The following NEMP1 variants were observed in gnomAD, a reference collection of about 807,000 sequenced individuals.
NEMP1 encodes nuclear envelope integral membrane protein 1, also known as transmembrane protein 194.
In NEMP1, 29 loss-of-function variants were observed where a neutral mutation model predicts 53.7. The observed-to-expected ratio is 0.54, with a 90% CI of 0.40 to 0.74. The LOEUF (loss-of-function observed/expected upper bound fraction) is 0.74. Among genes scored for constraint, NEMP1 ranks in the 30% least tolerant of loss-of-function variants. The probability of loss-of-function intolerance (pLI) is 0.00; values close to 1 mark genes in which losing one functional copy is unlikely to be tolerated. For missense variants in NEMP1, 477 were observed against 528.6 expected (o/e 0.90, Z 0.96); for synonymous variants, 193 against 192.9 (o/e 1.00, Z 0.00).
At chr12:57,075,624 G>C (rs571547825) in intron 1 of NEMP1, among the ~76,000 whole-genome samples, 2 of 148,978 alleles carry the variant, frequency 1.3e-5, no homozygotes, top group Admixed American at 1.3e-4. Context: ...AGGAGTTTGA[G>C]ACCAGCCTGG....
chr12:57,061,300 T>A (rs370532244), intron 7 of NEMP1, among the ~76,000 whole-genome samples: 8 of 152,240 alleles, frequency 5.3e-5, no homozygotes, highest in African/African-American at 1.9e-4. Flanking sequence ...TAGTCAATAT[T>A]ATTCACTAAT....
Position 57,057,179 on chromosome 12 carries a change from T to A in NEMP1, c.*2700A>T, listed in dbSNP as rs900675332. 6.6e-6 allele frequency: 1 copy of A among 152,326 alleles called. No individual in the cohort carries two copies. The highest frequency in any genetic ancestry group is 1.5e-5 in the Non-Finnish European group (1 of 68,040). The allele number at this position is 152,326 out of a possible 1,614,324, so 9.4% of individuals were successfully genotyped here. On this transcript the variant is annotated 3_prime_UTR_variant, in exon 9 of 9. Coordinates refer to ENST00000300128, the MANE Select transcript of NEMP1 (RefSeq NM_001130963.2). ...GCTCTACATAATTTGGTCAGACTGA[T>A]GAGAGGCAATAGATTTCCAATGCTG... is the stretch of plus-strand genomic sequence containing the variant.
At chr12:57,081,794 C>G (rs1405718794), upstream of NEMP1, among the ~76,000 whole-genome samples, 2 of 151,432 alleles carry the variant, frequency 1.3e-5, no homozygotes, top group Non-Finnish European at 2.9e-5. Context: ...GTAGTCCCAG[C>G]TACTCAGGAG....
intron 1 of NEMP1, among the ~76,000 whole-genome samples, chr12:57,077,524 A>C (rs2032692591): frequency 6.6e-6 from 1 of 152,122 alleles, no homozygotes; most frequent in Non-Finnish European, 1.5e-5. Context: ...CAAAAAAACA[A>C]AAAAAGAATT....
At position 57,057,667 on chromosome 12, in the gene NEMP1, C is replaced by G. The variant is rs973295557; in HGVS notation, c.*2212G>C. ...CAACTACCAGATAGGGAGTAAAAAA[C>G]AGTTTGATTTTATTCACCTCAAGTC... On this transcript the variant is annotated 3_prime_UTR_variant, in exon 9 of 9. Transcript: ENST00000300128. The G allele has an allele frequency of 1.3e-5, 2 of 152,190 alleles. No individual in the cohort carries two copies. Among genetic ancestry groups the G allele is most frequent in the African/African-American group, 4.8e-5 (2 of 41,438 alleles). The allele number at this position is 152,190 out of a possible 1,614,324, so 9.4% of individuals were successfully genotyped here. A position where few individuals can be genotyped will look rare whatever the true frequency, so the allele number is the denominator to read the frequency against.
intron 7 of NEMP1, among the ~76,000 whole-genome samples, chr12:57,062,130 A>T (rs1197133921): frequency 6.6e-6 from 1 of 152,228 alleles, no homozygotes; most frequent in Non-Finnish European, 1.5e-5. Context: ...CATGCTATGA[A>T]TTACATCTTA....
upstream of NEMP1, among the ~76,000 whole-genome samples, chr12:57,079,656 A>G (rs182058013): frequency 4.4e-3 from 675 of 152,302 alleles, 2 homozygotes; most frequent in Non-Finnish European, 7.6e-3. Flanking sequence ...TTTTTTTTTA[A>G]GAGGATCTGA....
rs1418917520 is a variant in NEMP1, at chr12:57,063,370, T to C, written c.755-26A>G. ...CTATGAGAAGAGTTATCAGAAGACATTCTTTTTCATCTATACTTGGTAAAA... is the reference window on the plus strand; with the variant it reads ...CTATGAGAAGAGTTATCAGAAGACACTCTTTTTCATCTATACTTGGTAAAA... On this transcript the variant is annotated intron_variant, in intron 6 of 8. Transcript: ENST00000300128. 2.7e-5 allele frequency: 43 copies of C among 1,583,394 alleles called. 1 individual carries two copies. The East Asian group carries it at 9.4e-4, about 35-fold the overall frequency.
chr12:57,078,531 G>A (rs904217223), intron 1 of NEMP1, 88 bp downstream of exon 1: 65 of 1,504,372 alleles, frequency 4.3e-5, no homozygotes, highest in Non-Finnish European at 4.2e-5. Context: ...CTTCTGCAGA[G>A]TAACGGCCCG....
upstream of NEMP1, among the ~76,000 whole-genome samples, chr12:57,082,826 A>C (rs577636262): frequency 1.3e-5 from 2 of 152,026 alleles, no homozygotes; most frequent in South Asian, 4.2e-4. Context: ...AGCCTGGGCA[A>C]CATAGTGAAA....
chr12:57,069,043 G>GA (rs1359496753), intron 4 of NEMP1, among the ~76,000 whole-genome samples, 191 bp downstream of exon 4: 1 of 152,084 alleles, frequency 6.6e-6, no homozygotes, highest in East Asian at 1.9e-4. Flanking sequence ...TTTCACTATT[G>GA]TCAACATTGT....
chr12:57,071,468 C>T (rs1447766832), intron 2 of NEMP1, among the ~76,000 whole-genome samples: 1 of 152,076 alleles, frequency 6.6e-6, no homozygotes. Context: ...ACCGCCACCT[C>T]CTGGATTCAA....
upstream of NEMP1, among the ~76,000 whole-genome samples, chr12:57,082,682 A>C (rs549960980): frequency 4.5e-4 from 68 of 152,242 alleles, no homozygotes; most frequent in South Asian, 0.014. Context: ...TCTGCACTCC[A>C]CCCTGGGTGA....
intron 3 of NEMP1, among the ~76,000 whole-genome samples, chr12:57,069,589 C>A (rs993916391): frequency 6.6e-6 from 1 of 151,990 alleles, no homozygotes; most frequent in Non-Finnish European, 1.5e-5. Context: ...AGACACAGTA[C>A]CATCAGCAAT....
upstream of NEMP1, among the ~76,000 whole-genome samples, chr12:57,080,086 A>G (rs185821570): frequency 6.6e-6 from 1 of 152,274 alleles, no homozygotes; most frequent in East Asian, 1.9e-4. Context: ...CAATCTCCCA[A>G]GTAGCTGGGA....
rs1056938363 is a variant in NEMP1, at chr12:57,063,325, T to G, written c.774A>C (p.Gly258=). Residue 258 remains glycine (G), a synonymous_variant, in exon 7 of 9, where the codon GGA becomes GGC. Coordinates refer to ENST00000300128, the MANE Select transcript of NEMP1 (RefSeq NM_001130963.2). The stretch of plus-strand genomic sequence containing the variant: ...TGTAACATACTGCAAAACTCATGAA[T>G]CCAACTGTGAGGACATAACCTATGA... ...QYLLSYVLTV[G]FMSFAVCYKY... 2.1e-5 allele frequency: 34 copies of G among 1,614,126 alleles called. No homozygotes were observed. Among genetic ancestry groups the G allele is most frequent in the Non-Finnish European group, 2.8e-5 (33 of 1,179,986 alleles).
chr12:57,073,382 G>A (rs778549422), intron 1 of NEMP1, among the ~76,000 whole-genome samples: 6 of 151,968 alleles, frequency 3.9e-5, no homozygotes, highest in Non-Finnish European at 8.8e-5. Context: ...GCTCATGCCT[G>A]TAATCCCAGC....
Position 57,068,768 on chromosome 12 carries a change from G to A in NEMP1, c.545+466C>T, listed in dbSNP as rs572747511. Reference sequence around the variant, plus strand: ...TTTTCAGTAGAGATGGGGTTTCACCGTGTTAGCCAGGATGGTCTCGATCTC... The same window carrying A: ...TTTTCAGTAGAGATGGGGTTTCACCATGTTAGCCAGGATGGTCTCGATCTC... On this transcript the variant is annotated intron_variant, in intron 4 of 8. Transcript: ENST00000300128. 4.6e-5 allele frequency among the ~76,000 whole-genome samples: 7 copies of A among 152,210 alleles called. No homozygotes were observed. The East Asian group carries it at 9.7e-4, about 21-fold the overall frequency.
rs1428129340 is a variant in NEMP1, at chr12:57,056,315, T to C, written c.*3564A>G. The C allele has an allele frequency of 6.6e-6, 1 of 152,280 alleles. No homozygotes were observed. 9.4% of individuals were successfully genotyped at this position (152,280 alleles called of 1,614,324 possible). ...AAAAGACATCACTGGGTCATAATTATATAGGTTCCCCTAAAAAAATAAAAA... is the reference window on the plus strand; with the variant it reads ...AAAAGACATCACTGGGTCATAATTACATAGGTTCCCCTAAAAAAATAAAAA... On this transcript the variant is annotated 3_prime_UTR_variant, in exon 9 of 9. Transcript: ENST00000300128.
Sources: allele counts gnomAD v4.1 joint callset (sites outside exome capture counted in the v4.1 genomes callset), GRCh38; gene constraint gnomAD v4.1.1; transcripts MANE v1.5; gene names NCBI Gene and HGNC (gene_info 2026-07-23, HGNC 2026-07-21).